Variants in BCL11B observed in about 807,000 individuals in gnomAD.
BCL11B encodes BCL11 transcription factor B.
Under a neutral mutation model 49.9 loss-of-function variants are expected in BCL11B, and 8 were observed. The observed-to-expected ratio is 0.16, with a 90% CI of 0.09 to 0.29. The LOEUF is 0.29. BCL11B is among the 10% of genes least tolerant of loss of function. The pLI is 1.00. For missense variants in BCL11B, 1,006 were observed against 1,351.0 expected (o/e 0.74, Z 4.00); for synonymous variants, 739 against 637.4 (o/e 1.16, Z -2.40).
chr14:99,220,604 T>C (rs1246912438), intron 3 of BCL11B, among the ~76,000 whole-genome samples: 1 of 152,142 alleles, frequency 6.6e-6, no homozygotes, highest in Non-Finnish European at 1.5e-5. Context: ...TAGTGTTTAA[T>C]GGTGCCAGAG....
rs533396756 is a variant in BCL11B at position 99,171,323 on chromosome 14, C to T, written c.*2828G>A. Reference sequence around the variant, plus strand: ...AGGTTGTCAAACAACCCTTTTTCTCCTGTACAATAGGACTTAACATACAAA... The same window carrying T: ...AGGTTGTCAAACAACCCTTTTTCTCTTGTACAATAGGACTTAACATACAAA... On this transcript the variant is annotated 3_prime_UTR_variant, in exon 4 of 4. Transcript: ENST00000357195. 6.2e-4 allele frequency: 139 copies of T among 224,744 alleles called. No individual in the cohort carries two copies. The highest frequency in any genetic ancestry group is 9.9e-4 in the Non-Finnish European group (111 of 112,566). 13.9% of individuals were successfully genotyped at this position (224,744 alleles called of 1,614,324 possible). A position where few individuals can be genotyped will look rare whatever the true frequency, so the allele number is the denominator to read the frequency against.
chr14:99,265,097 G>A (rs536865522), intron 1 of BCL11B, among the ~76,000 whole-genome samples: 1 of 152,254 alleles, frequency 6.6e-6, no homozygotes, highest in Non-Finnish European at 1.5e-5. Flanking sequence ...CAAATGGCCT[G>A]AGTCAAAAGA....
Position 99,242,370 on chromosome 14 carries a change from C to T in BCL11B, c.428-10813G>A, listed in dbSNP as rs976079247. Among the ~76,000 whole-genome samples, 1 of 152,204 alleles carries T rather than the reference C, an allele frequency of 6.6e-6. No individual in the cohort carries two copies. The highest frequency in any genetic ancestry group is 6.5e-5 in the Admixed American group (1 of 15,284). ...GAGGCCCGTCAGGTTGGGAGGGTTA[C>T]GAGTCCAGCCGTGGAGAGGGGAATA... On this transcript the variant is annotated intron_variant, in intron 2 of 3. Transcript: ENST00000357195. The surrounding 1 kb of genome is among the most constrained non-coding windows in gnomAD (Gnocchi z 4.4).
At chr14:99,179,125 C>CAGGT (rs1232825329) in intron 3 of BCL11B, among the ~76,000 whole-genome samples, 1 of 152,202 alleles carries the variant, frequency 6.6e-6, no homozygotes, top group East Asian at 1.9e-4. Context: ...TACTGGAAGT[C>CAGGT]AGGTAGCTAC....
rs369023141 is a variant in BCL11B, at chr14:99,175,156, C to T, written c.1680G>A (p.Ser560=). 6 of 1,593,684 alleles carry T rather than the reference C, an allele frequency of 3.8e-6. No homozygotes were observed. The highest frequency in any genetic ancestry group is 1.3e-5 in the African/African-American group (1 of 74,510). Residue 560 remains serine (S), a synonymous_variant, in exon 4 of 4, where the codon TCG becomes TCA. Transcript: ENST00000357195. ...CGTTCTCGCGGTTGCGGCTCAGCTC[C>T]GAGTCCATGCTGAAGCTCGACTCGG... ...SRPESSFSMD[S]ELSRNRENGG...
intron 1 of BCL11B, among the ~76,000 whole-genome samples, chr14:99,269,453 T>A (rs967542991): frequency 2.7e-5 from 4 of 150,240 alleles, no homozygotes; most frequent in Non-Finnish European, 3.0e-5. Context: ...AAAAGAGAAG[T>A]CCTCTTCCCT....
Position 99,175,248 on chromosome 14 carries a change from G to T in BCL11B, c.1588C>A (p.Pro530Thr). Residue 530 changes from proline (P) to threonine (T), a missense_variant, in exon 4 of 4, where the codon CCG (proline) becomes ACG (threonine). Around this residue, in one of 6 missense-constraint regions of BCL11B, gnomAD observed 443 missense variants for 499.7 expected, o/e 0.89. Transcript: ENST00000357195. ...HESDPSLGHE[P>T]EEEDEEEEEE... ...TCCTCCTCCTCGTCCTCCTCCTCCG[G>T]CTCGTGGCCCAGCGACGGGTCGCTC... is the stretch of plus-strand genomic sequence containing the variant. 6.5e-7 allele frequency: 1 copy of T among 1,545,914 alleles called. No homozygotes were observed. The highest frequency in any genetic ancestry group is 8.7e-7 in the Non-Finnish European group (1 of 1,149,442).
intron 3 of BCL11B, among the ~76,000 whole-genome samples, chr14:99,207,950 C>T (rs908039332): frequency 1.1e-4 from 16 of 152,198 alleles, no homozygotes; most frequent in Non-Finnish European, 2.1e-4. Context: ...CCTGAGTCTC[C>T]ATCTCCCCAC....
In BCL11B at chr14:99,194,173, G is replaced by A. The variant is rs898134537; in HGVS notation, c.641-17978C>T. Among the ~76,000 whole-genome samples the A allele has an allele frequency of 2.9e-4, 44 of 152,022 alleles. No homozygotes were observed. The highest frequency in any genetic ancestry group is 2.9e-4 in the Non-Finnish European group (20 of 68,010). Reference sequence around the variant, plus strand: ...AAGACGAAATATCAGGAAGCTCAGGGCAGGTGACAGGGCGACCACCTGGAC... The same window carrying A: ...AAGACGAAATATCAGGAAGCTCAGGACAGGTGACAGGGCGACCACCTGGAC... On this transcript the variant is annotated intron_variant, in intron 3 of 3. Coordinates refer to ENST00000357195, the MANE Select transcript of BCL11B (RefSeq NM_138576.4). The surrounding 1 kb of genome is among the most constrained non-coding windows in gnomAD (Gnocchi z 4.6).
intron 3 of BCL11B, among the ~76,000 whole-genome samples, chr14:99,229,043 C>G (rs4905814): frequency 0.41 from 40,896 of 100,296 alleles, 8,162 homozygotes; most frequent in Non-Finnish European, 0.53. Context: ...TGGATGGATG[C>G]ATGGATGGAT....
At chr14:99,229,558 G>C (rs1325553324) in intron 3 of BCL11B, among the ~76,000 whole-genome samples, 1 of 152,194 alleles carries the variant, frequency 6.6e-6, no homozygotes, top group Non-Finnish European at 1.5e-5. Flanking sequence ...GATGGTAACA[G>C]CTCCTGGTCA....
chr14:99,215,461 G>A (rs1887807396), intron 3 of BCL11B, among the ~76,000 whole-genome samples: 2 of 152,208 alleles, frequency 1.3e-5, no homozygotes, highest in Non-Finnish European at 2.9e-5. Flanking sequence ...TCGGCTGGCC[G>A]TGAAAAGAAT....
In BCL11B at chr14:99,271,298, G is replaced by GC. The variant is rs755981037; in HGVS notation, c.-81dup. On this transcript the variant is annotated 5_prime_UTR_variant, in exon 1 of 4. Transcript: ENST00000357195. Reference sequence around the variant, plus strand: ...GGGGGAGGGGGTCCGAGCCGCCGCCGCGCCGCTGCCGCCGCTGCCGCCGCC... The same window carrying GC: ...GGGGGAGGGGGTCCGAGCCGCCGCCGCCGCCGCTGCCGCCGCTGCCGCCGCC... 4 of 885,168 alleles carry GC rather than the reference G, an allele frequency of 4.5e-6. No homozygotes were observed. Among genetic ancestry groups the GC allele is most frequent in the Non-Finnish European group, 4.4e-6 (3 of 675,962 alleles). The allele number at this position is 885,168 out of a possible 1,614,324, so 54.8% of individuals were successfully genotyped here.
chr14:99,215,062 G>C (rs1334179456), intron 3 of BCL11B, among the ~76,000 whole-genome samples: 1 of 152,042 alleles, frequency 6.6e-6, no homozygotes, highest in Admixed American at 6.6e-5. Flanking sequence ...AGGGCTCCAC[G>C]GGCTGCCTCC....
chr14:99,264,951 A>G (rs1011111236), intron 1 of BCL11B, among the ~76,000 whole-genome samples: 1 of 152,166 alleles, frequency 6.6e-6, no homozygotes, highest in Non-Finnish European at 1.5e-5. Flanking sequence ...ACCGAGCCTG[A>G]GCACATCTCC....
chr14:99,172,055 G>A lies in BCL11B; in HGVS notation c.*2096C>T, dbSNP rs962805132. The A allele has an allele frequency of 4.7e-6, 1 of 213,850 alleles. No homozygotes were observed. Among genetic ancestry groups the A allele is most frequent in the Non-Finnish European group, 9.4e-6 (1 of 105,926 alleles). The allele number at this position is 213,850 out of a possible 1,614,324, so 13.2% of individuals were successfully genotyped here. Reference sequence around the variant, plus strand: ...AAGCAAACTTTGAAAAAAAAAGATCGCTCCAACACACATACACACAATTTT... The same window carrying A: ...AAGCAAACTTTGAAAAAAAAAGATCACTCCAACACACATACACACAATTTT... On this transcript the variant is annotated 3_prime_UTR_variant, in exon 4 of 4. Transcript: ENST00000357195.
At position 99,171,467 on chromosome 14, in the gene BCL11B, A is replaced by G. The variant is rs1886288144; in HGVS notation, c.*2684T>C. The G allele has an allele frequency of 4.7e-6, 1 of 211,178 alleles. No homozygotes were observed. The highest frequency in any genetic ancestry group is 9.6e-6 in the Non-Finnish European group (1 of 103,988). 13.1% of individuals were successfully genotyped at this position (211,178 alleles called of 1,614,324 possible). A position where few individuals can be genotyped will look rare whatever the true frequency, so the allele number is the denominator to read the frequency against. ...ATTCACTAACAAAAAGGTACATTAA[A>G]TCCCTTTAAAAGGACAAGCTTACAG... On this transcript the variant is annotated 3_prime_UTR_variant, in exon 4 of 4. Transcript: ENST00000357195.
chr14:99,175,774 C>T lies in BCL11B; in HGVS notation c.1062G>A (p.Met354Ile), dbSNP rs1299851665. 1 of 1,471,266 alleles carries T rather than the reference C, an allele frequency of 6.8e-7. No individual in the cohort carries two copies. Among genetic ancestry groups the T allele is most frequent in the Non-Finnish European group, 8.9e-7 (1 of 1,124,086 alleles). 91.1% of individuals were successfully genotyped at this position (1,471,266 alleles called of 1,614,324 possible). The change falls in exon 4 of 4, where the codon ATG becomes ATA. Residue 354 changes from methionine (M) to isoleucine (I), a missense_variant. By Grantham distance (10) the Met-to-Ile change is conservative (BLOSUM62 1). Coordinates refer to ENST00000357195, the MANE Select transcript of BCL11B (RefSeq NM_138576.4). Reference protein sequence around the residue: ...AFDRVMRLNPMAIDSPAMDFS... With the variant: ...AFDRVMRLNPIAIDSPAMDFS... Reference sequence around the variant, plus strand: ...AGTCCATGGCGGGCGAGTCGATGGCCATGGGGTTCAGGCGCATGACTCGGT... The same window carrying T: ...AGTCCATGGCGGGCGAGTCGATGGCTATGGGGTTCAGGCGCATGACTCGGT...
chr14:99,172,895 A>T lies in BCL11B; in HGVS notation c.*1256T>A, dbSNP rs975306260. The T allele has an allele frequency of 8.7e-6, 2 of 228,820 alleles. No homozygotes were observed. Among genetic ancestry groups the T allele is most frequent in the Non-Finnish European group, 1.7e-5 (2 of 115,232 alleles). The allele number at this position is 228,820 out of a possible 1,614,324, so 14.2% of individuals were successfully genotyped here. On this transcript the variant is annotated 3_prime_UTR_variant, in exon 4 of 4. Transcript: ENST00000357195. Reference sequence around the variant, plus strand: ...GTAGCGCTGGGCACCTTCTGATGGAACTCATCCCCTGCTTTTTCAGTAAAA... The same window carrying T: ...GTAGCGCTGGGCACCTTCTGATGGATCTCATCCCCTGCTTTTTCAGTAAAA...
Sources: allele counts gnomAD v4.1 joint callset (sites outside exome capture counted in the v4.1 genomes callset), GRCh38; gene constraint gnomAD v4.1.1; regional missense constraint gnomAD v4.1.1; non-coding constraint Gnocchi (gnomAD v3.1); transcripts MANE v1.5; gene names NCBI Gene and HGNC (gene_info 2026-07-23, HGNC 2026-07-21).